The following NTM variants were observed in gnomAD, a reference collection of about 807,000 sequenced individuals.
NTM encodes the protein IgLON family member 2.
A neutral mutation model predicts 42.1 loss-of-function variants in NTM; 13 were observed. The ratio of observed to expected loss-of-function variants is 0.31; its 90% CI spans 0.20 to 0.49. The LOEUF (loss-of-function observed/expected upper bound fraction) is 0.49. NTM is among the 20% of genes least tolerant of loss of function. NTM has a pLI of 0.99. For missense variants in NTM, 373 were observed against 452.8 expected (o/e 0.82, Z 1.60); for synonymous variants, 187 against 179.2 (o/e 1.04, Z -0.35).
chr11:131,941,054 G>C (rs1413908746), intron 2 of NTM, among the ~76,000 whole-genome samples: 1 of 152,218 alleles, frequency 6.6e-6, no homozygotes, highest in African/African-American at 2.4e-5. Context: ...AGGGGTTAAA[G>C]GGGAGAGGGA....
intron 1 of NTM, among the ~76,000 whole-genome samples, chr11:131,479,778 A>G (rs1953353733): frequency 6.6e-6 from 1 of 152,204 alleles, no homozygotes; most frequent in Middle Eastern, 3.2e-3. Context: ...GGTGCAGGTG[A>G]TATGCAATTG....
At chr11:131,726,241 G>A (rs564102668) in intron 1 of NTM, among the ~76,000 whole-genome samples, 1 of 152,212 alleles carries the variant, frequency 6.6e-6, no homozygotes, top group South Asian at 2.1e-4. Context: ...TCTCTCTAGC[G>A]ACCCTATCTT....
intron 4 of NTM, among the ~76,000 whole-genome samples, chr11:132,277,859 T>C (rs892747846): frequency 1.3e-5 from 2 of 152,208 alleles, no homozygotes; most frequent in Non-Finnish European, 2.9e-5. Flanking sequence ...TCCTCTGTGC[T>C]ACTGTTTAAT....
intron 1 of NTM, among the ~76,000 whole-genome samples, chr11:131,666,188 G>C (rs1460138997): frequency 6.6e-6 from 1 of 152,150 alleles, no homozygotes; most frequent in African/African-American, 2.4e-5. Context: ...AAGTGACTGA[G>C]TGAGGCCAGC....
intron 1 of NTM, among the ~76,000 whole-genome samples, chr11:131,761,142 A>C (rs183425144): frequency 1.4e-3 from 206 of 152,280 alleles, no homozygotes; most frequent in Non-Finnish European, 2.4e-3. Flanking sequence ...AGACGCCGTG[A>C]AAGTGGCAAG....
At chr11:132,160,224 T>C (rs1301338471) in intron 3 of NTM, among the ~76,000 whole-genome samples, 1 of 152,224 alleles carries the variant, frequency 6.6e-6, no homozygotes, top group Non-Finnish European at 1.5e-5. Flanking sequence ...TTTTTACCTT[T>C]TTCTGGCATT....
intron 2 of NTM, among the ~76,000 whole-genome samples, chr11:132,138,051 G>A (rs1350680862): frequency 6.6e-6 from 1 of 152,046 alleles, no homozygotes; most frequent in Non-Finnish European, 1.5e-5. Flanking sequence ...TCCTCCTACT[G>A]CTGGACATGC....
At chr11:132,291,933 G>T (rs1451456076) in intron 4 of NTM, among the ~76,000 whole-genome samples, 2 of 152,028 alleles carry the variant, frequency 1.3e-5, no homozygotes, top group African/African-American at 4.8e-5. Context: ...ATGAGGGGAA[G>T]AATCTGAGAC....
At chr11:131,806,959 C>T (rs988123410) in intron 1 of NTM, among the ~76,000 whole-genome samples, 5 of 152,164 alleles carry the variant, frequency 3.3e-5, no homozygotes, top group Non-Finnish European at 5.9e-5. Flanking sequence ...AAAGAAACTG[C>T]TGGGAGCTCA....
At chr11:131,382,332 GC>G (rs1565446448) in intron 1 of NTM, among the ~76,000 whole-genome samples, 1 of 152,188 alleles carries the variant, frequency 6.6e-6, no homozygotes, top group Non-Finnish European at 1.5e-5. Context: ...AGAGAAGGAT[GC>G]TTGTAGGTCA....
At chr11:131,414,031 C>T (rs895115162) in intron 1 of NTM, among the ~76,000 whole-genome samples, 2 of 152,168 alleles carry the variant, frequency 1.3e-5, no homozygotes, top group African/African-American at 4.8e-5. Context: ...GGCAAGCCTG[C>T]AACTGAACCT....
intron 1 of NTM, among the ~76,000 whole-genome samples, chr11:131,905,918 C>A (rs1463930959): frequency 6.6e-6 from 1 of 152,106 alleles, no homozygotes; most frequent in Non-Finnish European, 1.5e-5. Flanking sequence ...TGAGACAAAT[C>A]ACTTCCCACA....
At chr11:131,487,726 C>A (rs1270237569) in intron 1 of NTM, among the ~76,000 whole-genome samples, 1 of 151,882 alleles carries the variant, frequency 6.6e-6, no homozygotes, top group Non-Finnish European at 1.5e-5. Context: ...CTTGCTACCC[C>A]TAGGCTTAAA....
intron 1 of NTM, among the ~76,000 whole-genome samples, chr11:131,592,780 G>A (rs2059492212): frequency 6.6e-6 from 1 of 151,716 alleles, no homozygotes; most frequent in Admixed American, 6.6e-5. Context: ...GCCAGCCCTG[G>A]CCTGCCACAC....
At chr11:132,276,133 C>A (rs941999247) in intron 4 of NTM, among the ~76,000 whole-genome samples, 36 of 152,046 alleles carry the variant, frequency 2.4e-4, no homozygotes, top group Non-Finnish European at 1.2e-4. Flanking sequence ...ACTTAACCTG[C>A]TGCCCTCCAG....
At position 132,146,274 on chromosome 11, in the gene NTM, C is replaced by T; in HGVS notation, c.168-8C>T. 6.2e-7 allele frequency: 1 copy of T among 1,614,100 alleles called. No homozygotes were observed. The highest frequency in any genetic ancestry group is 8.5e-7 in the Non-Finnish European group (1 of 1,179,972). On this transcript the variant is annotated splice_polypyrimidine_tract_variant and splice_region_variant and intron_variant, in intron 2 of 8. Coordinates refer to ENST00000683400, the MANE Select transcript of NTM (RefSeq NM_001352005.2). This position sits in a 1 kb window ranked among gnomAD's most constrained non-coding sequence, Gnocchi z 4.5. ...TCCCTTGACGTACCTGTCTGGTCTT[C>T]CCTTCAGGTGCACTATTGACAACCG...
At chr11:132,024,778 A>G (rs1015818214) in intron 2 of NTM, among the ~76,000 whole-genome samples, 9 of 152,142 alleles carry the variant, frequency 5.9e-5, no homozygotes, top group Non-Finnish European at 1.2e-4. Flanking sequence ...GCATGTAGCT[A>G]TCACTTTCAC....
At chr11:131,427,876 G>A (rs954412040) in intron 1 of NTM, among the ~76,000 whole-genome samples, 10 of 152,262 alleles carry the variant, frequency 6.6e-5, no homozygotes, top group Admixed American at 2.6e-4. Context: ...TTCTGCCTCC[G>A]TGAAAACCCA....
intron 1 of NTM, among the ~76,000 whole-genome samples, chr11:131,441,530 T>A (rs1289094885): frequency 6.6e-6 from 1 of 152,168 alleles, no homozygotes. Context: ...GAAAAGAAGA[T>A]AAATCCATCA....
Sources: allele counts gnomAD v4.1 joint callset (sites outside exome capture counted in the v4.1 genomes callset), GRCh38; gene constraint gnomAD v4.1.1; non-coding constraint Gnocchi (gnomAD v3.1); transcripts MANE v1.5; gene names NCBI Gene and HGNC (gene_info 2026-07-23, HGNC 2026-07-21).